STYX: variants seen among roughly 807,000 people sequenced by gnomAD.
STYX encodes serine/threonine/tyrosine-interacting protein.
A neutral mutation model predicts 42.7 loss-of-function variants in STYX; 20 were observed. That is an observed-to-expected ratio of 0.47 (90% CI 0.33 to 0.68). The LOEUF is 0.68. Ranked by LOEUF, STYX falls within the 30% of genes least tolerant of loss-of-function variation. STYX has a pLI of 0.02. For missense variants in STYX, 226 were observed against 268.5 expected (o/e 0.84, Z 1.11); for synonymous variants, 78 against 81.9 (o/e 0.95, Z 0.26).
At chr14:52,735,086 G>A (rs905494211) in intron 1 of STYX, among the ~76,000 whole-genome samples, 2 of 151,986 alleles carry the variant, frequency 1.3e-5, no homozygotes, top group African/African-American at 4.8e-5. Context: ...AAATCCAGAA[G>A]GGTAGTGGTG....
At chr14:52,735,529 CATAA>C (rs1480552508) in intron 1 of STYX, among the ~76,000 whole-genome samples, 5 of 152,260 alleles carry the variant, frequency 3.3e-5, no homozygotes, top group East Asian at 3.9e-4. Flanking sequence ...ATAGGGGCCA[CATAA>C]ATAAACTATT....
chr14:52,764,995 A>G (rs914600593), intron 9 of STYX, among the ~76,000 whole-genome samples: 3 of 152,278 alleles, frequency 2.0e-5, no homozygotes, highest in South Asian at 4.1e-4. Context: ...AATAGGATTC[A>G]GCCAATCCTA....
At chr14:52,752,686 A>G (rs1280937368) in intron 4 of STYX, among the ~76,000 whole-genome samples, 4 of 152,154 alleles carry the variant, frequency 2.6e-5, no homozygotes, top group African/African-American at 9.6e-5. Context: ...AACAATGTAT[A>G]TATTTGCAAT....
At chr14:52,739,789 G>A (rs1199886168) in intron 1 of STYX, among the ~76,000 whole-genome samples, 1 of 151,460 alleles carries the variant, frequency 6.6e-6, no homozygotes, top group Non-Finnish European at 1.5e-5. Flanking sequence ...CCTCAGTCAT[G>A]CACCACCACC....
At chr14:52,759,624 GA>G in intron 8 of STYX, 57 bp from the exon 9 acceptor site, 1 of 1,196,004 alleles carries the variant, frequency 8.4e-7, no homozygotes, top group Non-Finnish European at 1.2e-6. Context: ...TAAGTTGTAT[GA>G]TTATGATTAA....
intron 9 of STYX, among the ~76,000 whole-genome samples, chr14:52,766,270 G>A (rs1210235933): frequency 1.3e-5 from 2 of 152,128 alleles, no homozygotes; most frequent in South Asian, 2.1e-4. Context: ...GGGTTAAAGC[G>A]ATTCTTCTGC....
At position 52,760,048 on chromosome 14, in the gene STYX, A is replaced by T. The variant is rs182779744; in HGVS notation, c.504+294A>T. Among the ~76,000 whole-genome samples, 53 of 151,508 alleles carry T rather than the reference A, an allele frequency of 3.5e-4. No individual in the cohort carries two copies. In the South Asian group the frequency reaches 3.6e-3, roughly 10 times the overall value. ...CCCAATCTCTAAAAAATAAAAAATTAAAAAAAAATTAGCCAGTCATGGTGG... is the reference window on the plus strand; with the variant it reads ...CCCAATCTCTAAAAAATAAAAAATTTAAAAAAAATTAGCCAGTCATGGTGG... On this transcript the variant is annotated intron_variant, in intron 9 of 10. Transcript: ENST00000354586.
chr14:52,761,937 T>C (rs917963984), intron 9 of STYX, among the ~76,000 whole-genome samples: 13 of 150,408 alleles, frequency 8.6e-5, no homozygotes, highest in Non-Finnish European at 1.3e-4. Context: ...CCCAGCTACT[T>C]GGGAGGCTGA....
At chr14:52,767,748 G>A (rs1882363487) in intron 9 of STYX, among the ~76,000 whole-genome samples, 1 of 152,144 alleles carries the variant, frequency 6.6e-6, no homozygotes, top group South Asian at 2.1e-4. Context: ...GATAAACACT[G>A]ATTCATATTA....
intron 9 of STYX, among the ~76,000 whole-genome samples, chr14:52,766,789 T>C (rs1299327578): frequency 6.6e-6 from 1 of 152,146 alleles, no homozygotes; most frequent in Non-Finnish European, 1.5e-5. Context: ...TAGTTTATGT[T>C]CCCTTTTTTC....
intron 1 of STYX, among the ~76,000 whole-genome samples, chr14:52,739,632 C>CTTTTTTTTTTTTTTTT (rs58454717): frequency 9.1e-5 from 6 of 65,732 alleles, no homozygotes; most frequent in East Asian, 4.1e-4. Context: ...TCCTTTCTTT[C>CTTTTTTTTTTTTTTTT]TTTTTTTTTT....
chr14:52,742,237 G>A lies in STYX; in HGVS notation c.58-2615G>A, dbSNP rs115915492. ...ACAAGAGTACTCACTTCTGTGGGATGAGTTGAGTTTTTGTTTTTCTTTCTT... is the reference window on the plus strand; with the variant it reads ...ACAAGAGTACTCACTTCTGTGGGATAAGTTGAGTTTTTGTTTTTCTTTCTT... On this transcript the variant is annotated intron_variant, in intron 1 of 10. Coordinates refer to ENST00000354586, the MANE Select transcript of STYX (RefSeq NM_145251.4). 5.3e-3 allele frequency among the ~76,000 whole-genome samples: 806 copies of A among 152,298 alleles called. 10 individuals are homozygous for A. Among genetic ancestry groups the A allele is most frequent in the African/African-American group, 0.018 (759 of 41,568 alleles).
chr14:52,733,950 C>G (rs576951202), intron 1 of STYX, among the ~76,000 whole-genome samples: 4 of 152,176 alleles, frequency 2.6e-5, no homozygotes, highest in African/African-American at 4.8e-5. Context: ...CCAAATACCC[C>G]CTAGAACTTT....
intron 1 of STYX, among the ~76,000 whole-genome samples, chr14:52,743,032 G>A (rs1258535299): frequency 6.6e-6 from 1 of 151,656 alleles, no homozygotes; most frequent in African/African-American, 2.4e-5. Flanking sequence ...CTAACCTCAG[G>A]TGATCCACCC....
intron 9 of STYX, 79 bp downstream of exon 9, chr14:52,759,833 C>T (rs901296187): frequency 6.8e-6 from 6 of 880,362 alleles, no homozygotes; most frequent in Non-Finnish European, 1.1e-5. Flanking sequence ...GTACAATTTA[C>T]TTTGTGAATA....
chr14:52,750,047 A>G (rs1224722197), intron 3 of STYX, among the ~76,000 whole-genome samples: 2 of 152,186 alleles, frequency 1.3e-5, no homozygotes, highest in African/African-American at 4.8e-5. Flanking sequence ...AATCTGAAAC[A>G]CTTCTGGTCC....
At chr14:52,742,244 GT>G (rs1881222296) in intron 1 of STYX, among the ~76,000 whole-genome samples, 2 of 152,198 alleles carry the variant, frequency 1.3e-5, no homozygotes, top group African/African-American at 4.8e-5. Flanking sequence ...GATGAGTTGA[GT>G]TTTTGTTTTT....
At position 52,774,250 on chromosome 14, in the gene STYX, A is replaced by T. The variant is rs1882631233; in HGVS notation, c.*3144A>T. ...ATGTTAAGCATGTCTGTATTAAGAA[A>T]ATATAAGGTTTCTAATTGTCTTATT... On this transcript the variant is annotated 3_prime_UTR_variant, in exon 11 of 11. Transcript: ENST00000354586. 1 of 152,184 alleles carries T rather than the reference A, an allele frequency of 6.6e-6. No individual in the cohort carries two copies. The highest frequency in any genetic ancestry group is 2.4e-5 in the African/African-American group (1 of 41,448). 9.4% of individuals were successfully genotyped at this position (152,184 alleles called of 1,614,324 possible). A position where few individuals can be genotyped will look rare whatever the true frequency, so the allele number is the denominator to read the frequency against.
At chr14:52,732,870 C>T (rs1239466557) in intron 1 of STYX, among the ~76,000 whole-genome samples, 1 of 151,832 alleles carries the variant, frequency 6.6e-6, no homozygotes, top group Non-Finnish European at 1.5e-5. Context: ...GGGGTTTCAC[C>T]ATGTTGGCCC....
Sources: gnomAD v4.1 joint callset for allele counts (sites outside exome capture counted in the v4.1 genomes callset) on GRCh38, gnomAD v4.1.1 for gene constraint, MANE v1.5 for transcripts, NCBI Gene and HGNC (gene_info 2026-07-23, HGNC 2026-07-21) for gene names.